Variants in BRIP1 observed in about 807,000 individuals in gnomAD.
The protein encoded by BRIP1 is BRCA1 interacting DNA helicase 1, also known as Fanconi anemia group J protein.
BRIP1 carries 88 observed loss-of-function variants against 119.7 expected under a neutral mutation model. That is an observed-to-expected ratio of 0.74 (90% confidence interval 0.62 to 0.88). BRIP1 has a LOEUF of 0.88. BRIP1 is among the 40% of genes least tolerant of loss of function. The pLI is 0.00. For synonymous variants in BRIP1, 443 were observed against 496.5 expected, an observed-to-expected ratio of 0.89 and a Z score of 1.43; for missense variants, 1,259 against 1,455.4, an observed-to-expected ratio of 0.87 and a Z score of 2.20.
At chr17:61,777,158 T>C (rs1458288690) in intron 13 of BRIP1, among the ~76,000 whole-genome samples, 1 of 152,240 alleles carries the variant, frequency 6.6e-6, no homozygotes, top group Non-Finnish European at 1.5e-5. Context: ...GATATAAAGA[T>C]ATTCACAATA....
chr17:61,779,309 G>A (rs1270979007), intron 13 of BRIP1, among the ~76,000 whole-genome samples: 1 of 152,232 alleles, frequency 6.6e-6, no homozygotes, highest in Non-Finnish European at 1.5e-5. Context: ...GGGCATGGTA[G>A]TACATGCCTG....
rs997226544 is a variant in BRIP1, at chr17:61,775,511, A to G, written c.2097+890T>C. Among the ~76,000 whole-genome samples the G allele has an allele frequency of 6.6e-6, 1 of 152,164 alleles. No individual in the cohort carries two copies. Among genetic ancestry groups the G allele is most frequent in the Non-Finnish European group, 1.5e-5 (1 of 68,024 alleles). Reference sequence around the variant, plus strand: ...AGGGAACGCCACTTCTCTACATTGGATTTAGGTTAGATTTTGATGCAATGT... The same window carrying G: ...AGGGAACGCCACTTCTCTACATTGGGTTTAGGTTAGATTTTGATGCAATGT... On this transcript the variant is annotated intron_variant, in intron 14 of 19. Transcript: ENST00000259008. This position sits in a 1 kb window ranked among gnomAD's most constrained non-coding sequence, Gnocchi z 4.4.
intron 19 of BRIP1, chr17:61,685,518 A>G (rs549670568): frequency 2.7e-5 from 11 of 400,552 alleles, no homozygotes; most frequent in Non-Finnish European, 4.0e-5. Flanking sequence ...TTTGACCTTT[A>G]CAACCCAACC....
In BRIP1 at chr17:61,716,010, T is replaced by A. The variant is rs751455420; in HGVS notation, c.2433A>T (p.Leu811=). Residue 811 remains leucine, a synonymous_variant, in exon 17 of 20, where the codon CTA becomes CTT. Transcript: ENST00000259008. ...GAATTTCATACCACTGACGGCCAGG[T>A]AGAAGACCTCTCAATTTTGAATGGT... The part of the protein sequence containing the change: ...NDHHSKLRGL[L]PGRQWYEIQA... 1 of 1,608,708 alleles carries A rather than the reference T, an allele frequency of 6.2e-7. No individual in the cohort carries two copies. Among genetic ancestry groups the A allele is most frequent in the Non-Finnish European group, 8.5e-7 (1 of 1,177,060 alleles).
chr17:61,856,007 G>A lies in BRIP1; in HGVS notation c.379+1051C>T, dbSNP rs953277942. Among the ~76,000 whole-genome samples the A allele has an allele frequency of 6.6e-6, 1 of 152,098 alleles. No homozygotes were observed. Among genetic ancestry groups the A allele is most frequent in the Non-Finnish European group, 1.5e-5 (1 of 68,016 alleles). ...CCCAAGGAAGTCACATGTAAACTGA[G>A]GAAGAAAAGGATAATAAATTGAAGA... On this transcript the variant is annotated intron_variant, in intron 4 of 19. Transcript: ENST00000259008. This position sits in a 1 kb window ranked among gnomAD's most constrained non-coding sequence, Gnocchi z 5.1.
At chr17:61,731,981 C>CTTTCT (rs1217636718) in intron 16 of BRIP1, among the ~76,000 whole-genome samples, 12 of 83,012 alleles carry the variant, frequency 1.4e-4, no homozygotes, top group East Asian at 3.5e-4. Flanking sequence ...TTCTTTCTTT[C>CTTTCT]TTTTTTTTTT....
Position 61,861,521 on chromosome 17 carries a change from C to G in BRIP1, c.19G>C (p.Glu7Gln), listed in dbSNP as rs1246321339. 6.2e-7 allele frequency: 1 copy of G among 1,612,060 alleles called. No individual in the cohort carries two copies. The highest frequency in any genetic ancestry group is 8.5e-7 in the Non-Finnish European group (1 of 1,178,388). MSSMWS[E>Q]YTIGGVKIYF... ...ATCTTCACCCCACCAATTGTATATT[C>G]AGACCACATTGAAGACATAGTGCTT... The change falls in exon 2 of 20, where the codon GAA becomes CAA. Residue 7 changes from glutamate to glutamine, a missense_variant. By Grantham distance (29) the Glu-to-Gln change is conservative. Around this residue, in one of 3 missense-constraint regions of BRIP1, gnomAD observed 501 missense variants for 544.0 expected, o/e 0.92. Coordinates refer to ENST00000259008, the MANE Select transcript of BRIP1 (RefSeq NM_032043.3). This position sits in a 1 kb window ranked among gnomAD's most constrained non-coding sequence, Gnocchi z 4.5.
Position 61,808,993 on chromosome 17 carries a change from A to G in BRIP1, c.628-236T>C, listed in dbSNP as rs1429775537. Among the ~76,000 whole-genome samples the G allele has an allele frequency of 6.6e-6, 1 of 152,170 alleles. No homozygotes were observed. The highest frequency in any genetic ancestry group is 1.5e-5 in the Non-Finnish European group (1 of 68,022). On this transcript the variant is annotated intron_variant, in intron 6 of 19. Transcript: ENST00000259008. The surrounding 1 kb of genome is among the most constrained non-coding windows in gnomAD (Gnocchi z 4.1). ...TATTTCCAAATTTGCATTCTTTCCAACATACCACTCTAACTCTCCAATTCC... is the reference window on the plus strand; with the variant it reads ...TATTTCCAAATTTGCATTCTTTCCAGCATACCACTCTAACTCTCCAATTCC...
intron 14 of BRIP1, among the ~76,000 whole-genome samples, chr17:61,764,225 G>A (rs899436717): frequency 3.9e-5 from 6 of 152,158 alleles, no homozygotes; most frequent in African/African-American, 1.4e-4. Flanking sequence ...TCTAGTCTCT[G>A]TAAGCACACC....
At chr17:61,821,269 C>A (rs1391377774) in intron 6 of BRIP1, among the ~76,000 whole-genome samples, 1 of 152,118 alleles carries the variant, frequency 6.6e-6, no homozygotes, top group African/African-American at 2.4e-5. Flanking sequence ...CAGAGTTACA[C>A]CCTATGCACA....
At chr17:61,811,999 C>T (rs1321356412) in intron 6 of BRIP1, among the ~76,000 whole-genome samples, 2 of 151,998 alleles carry the variant, frequency 1.3e-5, no homozygotes, top group Non-Finnish European at 2.9e-5. Flanking sequence ...TATTTGAAGA[C>T]AGAAAAACTG....
intron 6 of BRIP1, among the ~76,000 whole-genome samples, chr17:61,813,707 C>T (rs1222734345): frequency 6.6e-6 from 1 of 152,010 alleles, no homozygotes. Context: ...TAAGCCTGTC[C>T]TTGTGCTAAA....
In BRIP1 at chr17:61,683,628, C is replaced by T. The variant is rs2144076794; in HGVS notation, c.3418G>A (p.Glu1140Lys). ...TCATTTTTTTCTTCATCTGTATCTT[C>T]AGGATCATAAAGTTCAGGTGTAAAA... ...IYFTPELYDPEDTDEEKNDLA... is the reference protein window; with the variant it reads ...IYFTPELYDPKDTDEEKNDLA... Residue 1140 changes from glutamate (E) to lysine (K), a missense_variant, in exon 20 of 20, where the codon GAA becomes AAA. Physicochemically the swap from Glu to Lys is moderately conservative, Grantham distance 56. Coordinates refer to ENST00000259008, the MANE Select transcript of BRIP1 (RefSeq NM_032043.3). The surrounding 1 kb of genome is among the most constrained non-coding windows in gnomAD (Gnocchi z 4.7). 6.2e-7 allele frequency: 1 copy of T among 1,612,458 alleles called. No homozygotes were observed.
Position 61,695,478 on chromosome 17 carries a change from C to T in BRIP1, c.2493-1966G>A, listed in dbSNP as rs368471138. ...TGTTTTGACTATTCTGGGTTCCTTG[C>T]TTTTCCATAATAATTTTAGAATCAG... On this transcript the variant is annotated intron_variant, in intron 17 of 19. Transcript: ENST00000259008. This position sits in a 1 kb window ranked among gnomAD's most constrained non-coding sequence, Gnocchi z 4.3. Among the ~76,000 whole-genome samples the T allele has an allele frequency of 1.3e-5, 2 of 152,066 alleles. No homozygotes were observed. The highest frequency in any genetic ancestry group is 4.8e-5 in the African/African-American group (2 of 41,422).
chr17:61,697,796 T>A (rs1265301747), intron 17 of BRIP1, among the ~76,000 whole-genome samples: 3 of 152,042 alleles, frequency 2.0e-5, no homozygotes, highest in Non-Finnish European at 2.9e-5. Context: ...TCTTTTAAAA[T>A]ACAGATGTTT....
rs143975189 is a variant in BRIP1 at position 61,790,773 on chromosome 17, G to T, written c.1473+2824C>A. ...TCCTGCCTCAGCCTCCCAAGTAGCT[G>T]GGACTACAGCGCATGCCACCACACC... is the stretch of plus-strand genomic sequence containing the variant. On this transcript the variant is annotated intron_variant, in intron 10 of 19. Transcript: ENST00000259008. Among the ~76,000 whole-genome samples, 804 of 151,828 alleles carry T rather than the reference G, an allele frequency of 5.3e-3. 9 individuals are homozygous for T. The highest frequency in any genetic ancestry group is 0.019 in the African/African-American group (771 of 41,432).
At position 61,710,064 on chromosome 17, in the gene BRIP1, T is replaced by G. The variant is rs2061748280; in HGVS notation, c.2492+5887A>C. Among the ~76,000 whole-genome samples, 1 of 152,160 alleles carries G rather than the reference T, an allele frequency of 6.6e-6. No homozygotes were observed. The highest frequency in any genetic ancestry group is 2.4e-5 in the African/African-American group (1 of 41,442). The stretch of plus-strand genomic sequence containing the variant: ...ATTTTTTTAATTTAAAAAATTTTAC[T>G]TATTGATTGGTTTTAAAGGGTAAGT... On this transcript the variant is annotated intron_variant, in intron 17 of 19. Transcript: ENST00000259008. The surrounding 1 kb of genome is among the most constrained non-coding windows in gnomAD (Gnocchi z 5.4).
Position 61,682,670 on chromosome 17 carries a change from G to A in BRIP1, c.*626C>T, listed in dbSNP as rs2061285558. On this transcript the variant is annotated 3_prime_UTR_variant, in exon 20 of 20. Coordinates refer to ENST00000259008, the MANE Select transcript of BRIP1 (RefSeq NM_032043.3). The surrounding 1 kb of genome is among the most constrained non-coding windows in gnomAD (Gnocchi z 4.9). The stretch of plus-strand genomic sequence containing the variant: ...GACTGAGGTGTCACTAGATTAGACT[G>A]CTGTTAATTTTTATGTATCAGTGTG... The A allele has an allele frequency of 5.1e-6, 1 of 195,872 alleles. No individual in the cohort carries two copies. The highest frequency in any genetic ancestry group is 1.9e-4 in the South Asian group (1 of 5,218). The allele number at this position is 195,872 out of a possible 1,614,324, so 12.1% of individuals were successfully genotyped here.
rs876659290 is a variant in BRIP1, at chr17:61,683,355, T to C, written c.3691A>G (p.Ile1231Val). 2 of 1,611,886 alleles carry C rather than the reference T, an allele frequency of 1.2e-6. No homozygotes were observed. Among genetic ancestry groups the C allele is most frequent in the Middle Eastern group, 1.7e-4 (1 of 6,058 alleles). ...LELGKTHEIE[I>V]KNFKPSPSKN... The stretch of plus-strand genomic sequence containing the variant: ...GAAGGAGATGGTTTAAAGTTCTTTA[T>C]TTCTATTTCATGAGTTTTTCCCAGT... Residue 1231 changes from isoleucine to valine, a missense_variant, in exon 20 of 20, where the codon ATA becomes GTA. Ile to Val is a conservative substitution (Grantham distance 29). Around this residue, in one of 3 missense-constraint regions of BRIP1, gnomAD observed 753 missense variants for 891.8 expected, o/e 0.84. Transcript: ENST00000259008. The surrounding 1 kb of genome is among the most constrained non-coding windows in gnomAD (Gnocchi z 4.7).
Sources: allele counts gnomAD v4.1 joint callset (sites outside exome capture counted in the v4.1 genomes callset), GRCh38; gene constraint gnomAD v4.1.1; regional missense constraint gnomAD v4.1.1; non-coding constraint Gnocchi (gnomAD v3.1); transcripts MANE v1.5; gene names NCBI Gene and HGNC (gene_info 2026-07-23, HGNC 2026-07-21).